TMPRSS12: variants seen among roughly 807,000 people sequenced by gnomAD.
TMPRSS12 encodes transmembrane protease serine 12.
Under a neutral mutation model 26.0 loss-of-function variants are expected in TMPRSS12, and 25 were observed. The ratio of observed to expected loss-of-function variants is 0.96; its 90% CI spans 0.70 to 1.34. The LOEUF (loss-of-function observed/expected upper bound fraction) is 1.34, where lower values mean the gene tolerates loss of function less well. Ranked by LOEUF, TMPRSS12 falls within the 40% of genes most tolerant of loss-of-function variation. The pLI is 0.00. For missense variants in TMPRSS12, 441 were observed against 440.1 expected (o/e 1.00, Z -0.02); for synonymous variants, 150 against 161.7 (o/e 0.93, Z 0.55).
At chr12:50,853,751 A>G (rs1453471634) in intron 2 of TMPRSS12, among the ~76,000 whole-genome samples, 1 of 152,106 alleles carries the variant, frequency 6.6e-6, no homozygotes, top group Non-Finnish European at 1.5e-5. Flanking sequence ...AATTCCTGGA[A>G]CATACAACCT....
In TMPRSS12 at chr12:50,843,022, T is replaced by TCG; in HGVS notation, c.59_60insGC (p.Asp21GlnfsTer60). The TCG allele has an allele frequency of 6.2e-7, 1 of 1,606,848 alleles. No homozygotes were observed. The highest frequency in any genetic ancestry group is 8.5e-7 in the Non-Finnish European group (1 of 1,176,958). Reference sequence around the variant, plus strand: ...GTTTGTGGGGAGCTCTCACTTATACTCAGACCACTACTCGCCCTCTGGAAG... The same window carrying TCG: ...GTTTGTGGGGAGCTCTCACTTATACTCGCAGACCACTACTCGCCCTCTGGAAG... On this transcript the variant is annotated frameshift_variant, in exon 1 of 5. Transcript: ENST00000398458. LOFTEE classifies it high-confidence loss of function.
chr12:50,875,756 G>A (rs1938107817), intron 3 of TMPRSS12, among the ~76,000 whole-genome samples: 1 of 152,094 alleles, frequency 6.6e-6, no homozygotes, highest in African/African-American at 2.4e-5. Context: ...ATTAACTCAA[G>A]ATGGGTTAAA....
intron 2 of TMPRSS12, among the ~76,000 whole-genome samples, chr12:50,846,903 T>C (rs1937773568): frequency 6.6e-6 from 1 of 152,008 alleles, no homozygotes; most frequent in South Asian, 2.1e-4. Context: ...AATCAGGAAA[T>C]GTGAGCCCTC....
intron 2 of TMPRSS12, among the ~76,000 whole-genome samples, chr12:50,845,359 G>C (rs1461847601): frequency 6.6e-6 from 1 of 152,040 alleles, no homozygotes; most frequent in Non-Finnish European, 1.5e-5. Context: ...TCTTTGATGA[G>C]TCTTTGTCAT....
At chr12:50,844,911 G>A (rs1290616583) in intron 2 of TMPRSS12, among the ~76,000 whole-genome samples, 2 of 152,164 alleles carry the variant, frequency 1.3e-5, no homozygotes, top group Admixed American at 6.5e-5. Context: ...GTAGAGTAGG[G>A]CATGTTGGCT....
Position 50,887,641 on chromosome 12 carries a change from G to T in TMPRSS12, c.*128G>T. The T allele has an allele frequency of 3.3e-6, 4 of 1,212,480 alleles. No individual in the cohort carries two copies. The highest frequency in any genetic ancestry group is 2.6e-5 in the Admixed American group (1 of 38,634). 75.1% of individuals were successfully genotyped at this position (1,212,480 alleles called of 1,614,324 possible). ...AGAGATTTCATGTGAACATTTTATG[G>T]GCTATAAGTATTGTGACAGATATAC... On this transcript the variant is annotated 3_prime_UTR_variant, in exon 5 of 5. Coordinates refer to ENST00000398458, the MANE Select transcript of TMPRSS12 (RefSeq NM_182559.3).
rs959259437 is a variant in TMPRSS12 at position 50,843,120 on chromosome 12, G to C, written c.156G>C (p.Arg52=). 2 of 1,574,838 alleles carry C rather than the reference G, an allele frequency of 1.3e-6. No individual in the cohort carries two copies. The highest frequency in any genetic ancestry group is 1.7e-6 in the Non-Finnish European group (2 of 1,160,070). ...CTGAGGCCGTCCGCAAGAGGCTCCG[G>C]CGGCGGAGGGAGGGAGGGGCGCATG... The part of the protein sequence containing the change: ...QQAEAVRKRL[R]RRREGGAHAE... The change falls in exon 1 of 5, where the codon CGG becomes CGC. Residue 52 remains arginine (R), a synonymous_variant. Transcript: ENST00000398458.
intron 3 of TMPRSS12, among the ~76,000 whole-genome samples, chr12:50,874,110 AC>A (rs1344398148): frequency 1.3e-5 from 2 of 150,126 alleles, no homozygotes; most frequent in African/African-American, 2.4e-5. Context: ...TTTAAAAAAA[AC>A]CCAAGCCCAG....
chr12:50,866,369 C>G (rs536778924), intron 3 of TMPRSS12, among the ~76,000 whole-genome samples: 1 of 152,228 alleles, frequency 6.6e-6, no homozygotes, highest in African/African-American at 2.4e-5. Flanking sequence ...CTTTTCCCCA[C>G]TTCCCTGACA....
At chr12:50,859,084 A>T in intron 3 of TMPRSS12, 31 bp downstream of exon 3, 1 of 1,518,762 alleles carries the variant, frequency 6.6e-7, no homozygotes, top group Non-Finnish European at 8.8e-7. Context: ...ACTGATACAC[A>T]TTTTCCTGAT....
At chr12:50,850,862 G>A (rs138581508) in intron 2 of TMPRSS12, among the ~76,000 whole-genome samples, 15 of 152,284 alleles carry the variant, frequency 9.9e-5, no homozygotes, top group Non-Finnish European at 2.1e-4. Flanking sequence ...GCAGATGCCC[G>A]ACCATGAGAG....
chr12:50,857,808 CGTTGTTGTCGTTGTTGTTGTT>C (rs1565932094), intron 2 of TMPRSS12, among the ~76,000 whole-genome samples: 1 of 147,332 alleles, frequency 6.8e-6, no homozygotes, highest in African/African-American at 2.6e-5. Context: ...TTGTTGTTGT[CGTTGTTGTCGTTGTTGTTGTT>C]GTTGTTGTTG....
chr12:50,865,612 A>G (rs1053214633), intron 3 of TMPRSS12, among the ~76,000 whole-genome samples: 8 of 152,150 alleles, frequency 5.3e-5, no homozygotes, highest in Non-Finnish European at 7.4e-5. Context: ...GAAAGACATG[A>G]ATCCAGATAA....
intron 2 of TMPRSS12, among the ~76,000 whole-genome samples, chr12:50,855,921 T>C (rs1225867869): frequency 6.6e-6 from 1 of 152,190 alleles, no homozygotes; most frequent in Non-Finnish European, 1.5e-5. Flanking sequence ...TGGCTGGAGC[T>C]AGAGGCCATT....
chr12:50,872,239 C>A (rs1482379866), intron 3 of TMPRSS12, among the ~76,000 whole-genome samples: 1 of 152,108 alleles, frequency 6.6e-6, no homozygotes, highest in African/African-American at 2.4e-5. Context: ...GAAGGCCGGG[C>A]GCGGTGGCTC....
chr12:50,848,134 GA>G (rs1937791326), intron 2 of TMPRSS12: 1 of 151,318 alleles, frequency 6.6e-6, no homozygotes, highest in Non-Finnish European at 1.5e-5. Flanking sequence ...AACTCTGTTG[GA>G]AAGTTGATTT....
intron 3 of TMPRSS12, among the ~76,000 whole-genome samples, chr12:50,861,799 G>A (rs1937938303): frequency 6.6e-6 from 1 of 151,520 alleles, no homozygotes; most frequent in African/African-American, 2.4e-5. Context: ...TATTTCCACT[G>A]TATTATTAAT....
At chr12:50,856,432 A>G (rs566453442) in intron 2 of TMPRSS12, among the ~76,000 whole-genome samples, 1 of 152,336 alleles carries the variant, frequency 6.6e-6, no homozygotes, top group Admixed American at 6.5e-5. Flanking sequence ...GTATTTCTTT[A>G]TAACAAAGCA....
chr12:50,886,891 A>G (rs1938232672), intron 4 of TMPRSS12: 1 of 181,738 alleles, frequency 5.5e-6, no homozygotes, highest in Admixed American at 5.9e-5. Flanking sequence ...CACACGCAGT[A>G]TTCAGCAAGA....
Sources: allele counts gnomAD v4.1 joint callset (sites outside exome capture counted in the v4.1 genomes callset), GRCh38; gene constraint gnomAD v4.1.1; transcripts MANE v1.5; gene names NCBI Gene and HGNC (gene_info 2026-07-23, HGNC 2026-07-21).